The following RAD50 variants were observed in gnomAD, a reference collection of about 807,000 sequenced individuals.
RAD50 encodes DNA repair protein RAD50.
In RAD50, 132 loss-of-function variants were observed where a neutral mutation model predicts 168.8. The observed-to-expected ratio is 0.78, with a 90% CI of 0.68 to 0.90. RAD50 has a LOEUF of 0.90. RAD50 is among the 40% of genes least tolerant of loss of function. The probability of loss-of-function intolerance (pLI) is 0.00; values close to 1 mark genes in which losing one functional copy is unlikely to be tolerated. For synonymous variants in RAD50, 525 were observed against 497.4 expected, an observed-to-expected ratio of 1.06 and a Z score of -0.74; for missense variants, 1,347 against 1,534.4, an observed-to-expected ratio of 0.88 and a Z score of 2.04.
Position 132,645,962 on chromosome 5 carries a change from C to T in RAD50, c.*3598C>T, listed in dbSNP as rs1232754576. ...AATTAGCAAGGCATGGTGGTGCACACCTGTAGTCTCAGCTACTTGGCTGAG... is the reference window on the plus strand; with the variant it reads ...AATTAGCAAGGCATGGTGGTGCACATCTGTAGTCTCAGCTACTTGGCTGAG... On this transcript the variant is annotated 3_prime_UTR_variant, in exon 25 of 25. Transcript: ENST00000378823. 3 of 152,162 alleles carry T rather than the reference C, an allele frequency of 2.0e-5. No individual in the cohort carries two copies. In the East Asian group the frequency reaches 5.8e-4, roughly 29 times the overall value. The allele number at this position is 152,162 out of a possible 1,614,324, so 9.4% of individuals were successfully genotyped here. A position where few individuals can be genotyped will look rare whatever the true frequency, so the allele number is the denominator to read the frequency against.
chr5:132,579,491 T>C lies in RAD50; in HGVS notation c.540T>C (p.Phe180=), dbSNP rs2149837813. 1 of 1,612,796 alleles carries C rather than the reference T, an allele frequency of 6.2e-7. No individual in the cohort carries two copies. Among genetic ancestry groups the C allele is most frequent in the Non-Finnish European group, 8.5e-7 (1 of 1,179,128 alleles). ...TGAAGCAAAAGTTTGATGAGATTTT[T>C]TCAGCAACAAGGTTTGTAACCCTTA... ...KALKQKFDEI[F]SATRYIKALE... is the part of the protein sequence containing the mutation. Residue 180 remains phenylalanine, a synonymous_variant, in exon 4 of 25, where the codon TTT becomes TTC. Transcript: ENST00000378823.
Position 132,603,310 on chromosome 5 carries a change from AT to A in RAD50, c.2220del (p.Ile740MetfsTer3). On this transcript the variant is annotated frameshift_variant, in exon 14 of 25. Coordinates refer to ENST00000378823, the MANE Select transcript of RAD50 (RefSeq NM_005732.4). LOFTEE classifies it high-confidence loss of function. ...LGLVPMRQSIIDLKEKEIPEL... is the reference protein window; with the variant it reads ...LGLVPMRQSIXDLKEKEIPEL... ...GTGTTTTCTATTTAGGCAAAGCATA[AT>A]TGATTTGAAGGAGAAGGAAATACCA... The A allele has an allele frequency of 6.2e-7, 1 of 1,611,718 alleles. No individual in the cohort carries two copies. The highest frequency in any genetic ancestry group is 8.5e-7 in the Non-Finnish European group (1 of 1,178,222).
chr5:132,605,435 C>G (rs1750968077), intron 16 of RAD50, among the ~76,000 whole-genome samples: 1 of 152,086 alleles, frequency 6.6e-6, no homozygotes, highest in South Asian at 2.1e-4. Context: ...GCCTCGACCT[C>G]CTGAGCTCAA....
Position 132,589,674 on chromosome 5 carries a change from A to T in RAD50, c.1289A>T (p.Asp430Val), listed in dbSNP as rs557802139. ...EKETLKQKQI[D>V]EIRDKKTGLG... ...GAGACTCTGAAACAAAAACAGATAG[A>T]TGAGATAAGAGATAAGAAAACTGGA... The change falls in exon 9 of 25, where the codon GAT (aspartate) becomes GTT (valine). Residue 430 changes from aspartate (D) to valine (V), a missense_variant. Asp to Val is a radical substitution (Grantham distance 152). Coordinates refer to ENST00000378823, the MANE Select transcript of RAD50 (RefSeq NM_005732.4). 67 of 1,608,782 alleles carry T rather than the reference A, an allele frequency of 4.2e-5. No homozygotes were observed. In the South Asian group the frequency reaches 7.3e-4, roughly 17 times the overall value.
intron 5 of RAD50, among the ~76,000 whole-genome samples, chr5:132,581,347 C>G (rs372783587): frequency 6.6e-6 from 1 of 152,018 alleles, no homozygotes; most frequent in Admixed American, 6.6e-5. Flanking sequence ...CGCGAACTCC[C>G]GACCTCAAGT....
At chr5:132,565,940 T>C (rs1236122966) in intron 2 of RAD50, among the ~76,000 whole-genome samples, 3 of 152,208 alleles carry the variant, frequency 2.0e-5, no homozygotes, top group Admixed American at 1.3e-4. Context: ...CTCAAGCTCA[T>C]TTATTCCACT....
At chr5:132,577,970 A>G (rs905068448) in intron 3 of RAD50, among the ~76,000 whole-genome samples, 2 of 151,934 alleles carry the variant, frequency 1.3e-5, no homozygotes, top group South Asian at 2.1e-4. Context: ...GTGCACCACC[A>G]TGCCTGGCTA....
chr5:132,609,227 A>G lies in RAD50; in HGVS notation c.2922+18A>G. 1 of 1,607,192 alleles carries G rather than the reference A, an allele frequency of 6.2e-7. No homozygotes were observed. ...ATAAGAAGGTAATTTAAAACTTAAA[A>G]TTATTTATTTGATTGTATTTTTATT... On this transcript the variant is annotated intron_variant, in intron 18 of 24. Transcript: ENST00000378823.
chr5:132,626,299 T>G (rs1189041718), intron 21 of RAD50, among the ~76,000 whole-genome samples: 2 of 152,226 alleles, frequency 1.3e-5, no homozygotes, highest in Non-Finnish European at 2.9e-5. Flanking sequence ...TTTCATTTCC[T>G]TTGCGTAAAT....
chr5:132,627,675 A>G (rs1751394407), intron 21 of RAD50, among the ~76,000 whole-genome samples: 1 of 152,252 alleles, frequency 6.6e-6, no homozygotes, highest in Non-Finnish European at 1.5e-5. Flanking sequence ...CATGCCTTGT[A>G]GCCTTGGTAA....
intron 5 of RAD50, among the ~76,000 whole-genome samples, chr5:132,581,101 T>G (rs1482118033): frequency 6.6e-6 from 1 of 151,982 alleles, no homozygotes; most frequent in Non-Finnish European, 1.5e-5. Flanking sequence ...TTTGTATTTA[T>G]TTATTTATTT....
In RAD50 at chr5:132,642,434, C is replaced by A. The variant is rs2149867177; in HGVS notation, c.*70C>A. 7.5e-7 allele frequency: 1 copy of A among 1,339,414 alleles called. No homozygotes were observed. The highest frequency in any genetic ancestry group is 1.1e-6 in the Non-Finnish European group (1 of 948,410). 83.0% of individuals were successfully genotyped at this position (1,339,414 alleles called of 1,614,324 possible). A position where few individuals can be genotyped will look rare whatever the true frequency, so the allele number is the denominator to read the frequency against. ...AGTGTATAATAAGAAACTTATTTCT[C>A]ATATCAACTTAGTCAATAAGAAAAT... On this transcript the variant is annotated 3_prime_UTR_variant, in exon 25 of 25. Transcript: ENST00000378823.
chr5:132,579,920 A>G lies in RAD50; in HGVS notation c.610A>G (p.Lys204Glu), dbSNP rs202197835. 173 of 1,612,614 alleles carry G rather than the reference A, an allele frequency of 1.1e-4. No homozygotes were observed. Among genetic ancestry groups the G allele is most frequent in the Non-Finnish European group, 1.4e-4 (162 of 1,178,674 alleles). ...QVRQTQGQKV[K>E]EYQMELKYLK... The stretch of plus-strand genomic sequence containing the variant: ...ACGTCAGACACAAGGTCAGAAAGTA[A>G]AAGAATATCAAATGGAACTAAAATA... The change falls in exon 5 of 25, where the codon AAA (lysine) becomes GAA (glutamate). Residue 204 changes from lysine (K) to glutamate (E), a missense_variant. Physicochemically the swap from Lys to Glu is moderately conservative, Grantham distance 56 (BLOSUM62 1). Around this residue, in one of 3 missense-constraint regions of RAD50, gnomAD observed 703 missense variants for 767.7 expected, o/e 0.92. Coordinates refer to ENST00000378823, the MANE Select transcript of RAD50 (RefSeq NM_005732.4).
intron 21 of RAD50, among the ~76,000 whole-genome samples, chr5:132,624,274 T>A (rs1751333843): frequency 6.6e-6 from 1 of 152,220 alleles, no homozygotes; most frequent in Non-Finnish European, 1.5e-5. Context: ...TCCAGCAGTT[T>A]AAAGTGGTTA....
chr5:132,624,672 G>A (rs1001733921), intron 21 of RAD50, among the ~76,000 whole-genome samples: 2 of 152,016 alleles, frequency 1.3e-5, no homozygotes, highest in African/African-American at 2.4e-5. Context: ...TCCAAAGTGG[G>A]TGGATTGCTT....
Position 132,608,593 on chromosome 5 carries a change from TTTA to T in RAD50, c.2719-20_2719-18del. Reference sequence around the variant, plus strand: ...AAGATAATGGAATATTATATAATACTTTATCTTTTTTATATTTTTAGGATGCTA... The same window carrying T: ...AAGATAATGGAATATTATATAATACTTCTTTTTTATATTTTTAGGATGCTA... On this transcript the variant is annotated intron_variant, in intron 16 of 24. Transcript: ENST00000378823. The T allele has an allele frequency of 6.6e-7, 1 of 1,508,746 alleles. No individual in the cohort carries two copies. 93.5% of individuals were successfully genotyped at this position (1,508,746 alleles called of 1,614,324 possible).
Position 132,642,256 on chromosome 5 carries a change from A to G in RAD50, c.3831A>G (p.Leu1277=). ...ATGATGAAGATTTTGTGGAGCTTTT[A>G]GGACGTTCTGAATATGTGGAGAAAT... ...ITHDEDFVEL[L]GRSEYVEKFY... The change falls in exon 25 of 25, where the codon TTA becomes TTG. Residue 1277 remains leucine, a synonymous_variant. Coordinates refer to ENST00000378823, the MANE Select transcript of RAD50 (RefSeq NM_005732.4). 2 of 1,614,160 alleles carry G rather than the reference A, an allele frequency of 1.2e-6. No individual in the cohort carries two copies. Among genetic ancestry groups the G allele is most frequent in the Non-Finnish European group, 1.7e-6 (2 of 1,179,982 alleles).
intron 7 of RAD50, 141 bp from the exon 8 acceptor site, chr5:132,588,546 G>A: frequency 1.3e-6 from 1 of 792,034 alleles, no homozygotes; most frequent in Non-Finnish European, 2.0e-6. Flanking sequence ...CTGCAGTTTT[G>A]CAAAATGTTA....
At chr5:132,605,117 T>C in intron 16 of RAD50, 118 bp downstream of exon 16, 1 of 685,848 alleles carries the variant, frequency 1.5e-6, no homozygotes, top group South Asian at 2.6e-5. Flanking sequence ...CGATCTCGGC[T>C]CACTGCAACC....
Sources: gnomAD v4.1 joint callset for allele counts (sites outside exome capture counted in the v4.1 genomes callset) on GRCh38, gnomAD v4.1.1 for gene constraint, gnomAD v4.1.1 regional missense constraint, MANE v1.5 for transcripts, NCBI Gene and HGNC (gene_info 2026-07-23, HGNC 2026-07-21) for gene names.